The following UHRF2 variants were observed in gnomAD, a reference collection of about 807,000 sequenced individuals.
UHRF2 encodes the protein ubiquitin like with PHD and ring finger domains 2.
Under a neutral mutation model 96.8 loss-of-function variants are expected in UHRF2, and 23 were observed. The ratio of observed to expected loss-of-function variants is 0.24; its 90% CI spans 0.17 to 0.34. The LOEUF is 0.34. Among genes scored for constraint, UHRF2 ranks in the 10% least tolerant of loss-of-function variants. UHRF2 has a pLI of 1.00. For synonymous variants in UHRF2, 385 were observed against 332.6 expected (o/e 1.16, Z -1.72); for missense variants, 685 against 981.5 (o/e 0.70, Z 4.04).
At chr9:6,415,410 A>C (rs1446491940) in intron 1 of UHRF2, 1 of 152,248 alleles carries the variant, frequency 6.6e-6, no homozygotes, top group African/African-American at 2.4e-5. Context: ...CAGAAAAGGA[A>C]GGTCATTGGT....
chr9:6,463,499 C>G (rs563427251), intron 4 of UHRF2, among the ~76,000 whole-genome samples: 1 of 149,416 alleles, frequency 6.7e-6, no homozygotes, highest in African/African-American at 2.5e-5. Context: ...GAGATGGGGT[C>G]TCGCTCTGTT....
chr9:6,436,861 C>T (rs567737839), intron 3 of UHRF2, among the ~76,000 whole-genome samples: 6 of 152,218 alleles, frequency 3.9e-5, no homozygotes, highest in African/African-American at 1.2e-4. Flanking sequence ...AATAATTTTA[C>T]GTGATGGAAT....
At chr9:6,421,359 T>A (rs142322089) in intron 2 of UHRF2, among the ~76,000 whole-genome samples, 2 of 152,322 alleles carry the variant, frequency 1.3e-5, no homozygotes, top group East Asian at 3.9e-4. Flanking sequence ...ATAAAGGAAA[T>A]ACTTGTGTAA....
At chr9:6,433,651 G>A (rs1820676689) in intron 2 of UHRF2, among the ~76,000 whole-genome samples, 1 of 152,200 alleles carries the variant, frequency 6.6e-6, no homozygotes, top group South Asian at 2.1e-4. Context: ...CAAAAGTCTA[G>A]TGTATACGTC....
intron 2 of UHRF2, among the ~76,000 whole-genome samples, chr9:6,426,076 G>C (rs1443106439): frequency 2.0e-5 from 3 of 152,342 alleles, no homozygotes; most frequent in East Asian, 3.9e-4. Flanking sequence ...TCAAAGTTCA[G>C]CAGTTTGGGT....
chr9:6,468,364 G>A (rs1281466969), intron 4 of UHRF2: 3 of 444,976 alleles, frequency 6.7e-6, no homozygotes, highest in Non-Finnish European at 1.4e-5. Context: ...GGGTGGGACA[G>A]CTGGCAGTAG....
At chr9:6,484,856 C>A (rs1249900564) in intron 8 of UHRF2, among the ~76,000 whole-genome samples, 1 of 129,836 alleles carries the variant, frequency 7.7e-6, no homozygotes, top group Admixed American at 9.1e-5. Context: ...TGCAGTGGCA[C>A]AATCTCGGCT....
intron 6 of UHRF2, among the ~76,000 whole-genome samples, chr9:6,480,777 C>A (rs2130907876): frequency 6.6e-6 from 1 of 152,234 alleles, no homozygotes; most frequent in South Asian, 2.1e-4. Flanking sequence ...TATTTAGTGC[C>A]TTCTCAAACA....
rs532425412 is a variant in UHRF2 at position 6,425,704 on chromosome 9, G to A, written c.384+4562G>A. Among the ~76,000 whole-genome samples the A allele has an allele frequency of 1.6e-3, 236 of 152,180 alleles. 1 individual carries two copies. The highest frequency in any genetic ancestry group is 2.8e-3 in the Non-Finnish European group (187 of 67,996). On this transcript the variant is annotated intron_variant, in intron 2 of 15. Transcript: ENST00000276893. ...CTTGAACCCAGGAAGCAGAGGTTAC[G>A]GGGAGCCGAGATCGCGCCACTGCAC...
intron 8 of UHRF2, among the ~76,000 whole-genome samples, chr9:6,486,375 T>A (rs986940525): frequency 6.6e-6 from 1 of 152,142 alleles, no homozygotes; most frequent in South Asian, 2.1e-4. Flanking sequence ...GGGAGAAGAA[T>A]GGGGCTAAAA....
chr9:6,470,004 G>A (rs893429114), intron 4 of UHRF2, among the ~76,000 whole-genome samples: 1 of 152,134 alleles, frequency 6.6e-6, no homozygotes, highest in African/African-American at 2.4e-5. Flanking sequence ...ATAACACAGT[G>A]AAGATGACCA....
chr9:6,494,365 T>G (rs1056142943), intron 10 of UHRF2: 3 of 165,598 alleles, frequency 1.8e-5, no homozygotes, highest in African/African-American at 4.8e-5. Flanking sequence ...CTTAATCAGA[T>G]CTGTACTGAA....
intron 3 of UHRF2, among the ~76,000 whole-genome samples, chr9:6,434,984 T>C (rs573617159): frequency 7.4e-6 from 1 of 134,240 alleles, no homozygotes; most frequent in South Asian, 2.6e-4. Context: ...GCATATGTAT[T>C]ACCATGTTTG....
intron 9 of UHRF2, among the ~76,000 whole-genome samples, chr9:6,488,826 T>TG (rs990123560): frequency 7.9e-5 from 12 of 151,450 alleles, no homozygotes; most frequent in Middle Eastern, 3.4e-3. Context: ...TGTTTTGTTT[T>TG]TTTTGAGATA....
rs1159962883 is a variant in UHRF2 at position 6,506,868 on chromosome 9, A to G, written c.*689A>G. 1 of 152,656 alleles carries G rather than the reference A, an allele frequency of 6.6e-6. No homozygotes were observed. Among genetic ancestry groups the G allele is most frequent in the Non-Finnish European group, 1.5e-5 (1 of 68,052 alleles). The allele number at this position is 152,656 out of a possible 1,614,324, so 9.5% of individuals were successfully genotyped here. On this transcript the variant is annotated 3_prime_UTR_variant, in exon 16 of 16. Transcript: ENST00000276893. Reference sequence around the variant, plus strand: ...TCATATGCTCTAGTTGTAAATGTTCATGAAAATCCACTTCTCTACTAGTCG... The same window carrying G: ...TCATATGCTCTAGTTGTAAATGTTCGTGAAAATCCACTTCTCTACTAGTCG...
intron 4 of UHRF2, among the ~76,000 whole-genome samples, chr9:6,474,246 A>G (rs12345895): frequency 1.3e-5 from 2 of 152,228 alleles, no homozygotes; most frequent in African/African-American, 2.4e-5. Flanking sequence ...TATATTTGAC[A>G]TTGAAAGTTT....
chr9:6,481,167 G>A (rs1465136805), intron 6 of UHRF2, among the ~76,000 whole-genome samples: 2 of 152,164 alleles, frequency 1.3e-5, no homozygotes, highest in Non-Finnish European at 2.9e-5. Context: ...TGAAGCTAGC[G>A]ATAAGGTTAA....
Position 6,499,821 on chromosome 9 carries a change from TC to T in UHRF2, c.1909-6del, listed in dbSNP as rs57099869. The T allele has an allele frequency of 0.18, 274,345 of 1,531,438 alleles. 28,550 individuals are homozygous for T. The highest frequency in any genetic ancestry group is 0.48 in the African/African-American group (33,853 of 70,978). 94.9% of individuals were successfully genotyped at this position (1,531,438 alleles called of 1,614,324 possible). A position where few individuals can be genotyped will look rare whatever the true frequency, so the allele number is the denominator to read the frequency against. On this transcript the variant is annotated splice_polypyrimidine_tract_variant and intron_variant, in intron 12 of 15. Transcript: ENST00000276893. Reference sequence around the variant, plus strand: ...TAAATCTGCATTGTACTCTCCCTCCTCCCCCCCCATCAGTATCCAGCAGGTT... The same window carrying T: ...TAAATCTGCATTGTACTCTCCCTCCTCCCCCCCATCAGTATCCAGCAGGTT...
chr9:6,441,441 A>T (rs1821155804), intron 3 of UHRF2, among the ~76,000 whole-genome samples: 1 of 151,878 alleles, frequency 6.6e-6, no homozygotes, highest in Non-Finnish European at 1.5e-5. Context: ...TCCTGGGCTC[A>T]CTCCAGGCAT....
Sources: gnomAD v4.1 joint callset for allele counts (sites outside exome capture counted in the v4.1 genomes callset) on GRCh38, gnomAD v4.1.1 for gene constraint, MANE v1.5 for transcripts, NCBI Gene and HGNC (gene_info 2026-07-23, HGNC 2026-07-21) for gene names.